The following IL23R variants were observed in gnomAD, a reference collection of about 807,000 sequenced individuals.
The protein encoded by IL23R is interleukin-23 receptor.
In IL23R, 34 loss-of-function variants were observed where a neutral mutation model predicts 56.9. That is an observed-to-expected ratio of 0.60 (90% CI 0.45 to 0.80). The LOEUF is 0.80. Among genes scored for constraint, IL23R ranks in the 30% least tolerant of loss-of-function variants. IL23R has a pLI of 0.00. For synonymous variants in IL23R, 230 were observed against 249.2 expected (o/e 0.92, Z 0.73); for missense variants, 635 against 730.0 (o/e 0.87, Z 1.50).
At chr1:67,162,269 T>A (rs542428218), upstream of IL23R, among the ~76,000 whole-genome samples, 1 of 151,858 alleles carries the variant, frequency 6.6e-6, no homozygotes, top group South Asian at 2.1e-4. Flanking sequence ...ATTGAGACCA[T>A]CCTGGCTAAC....
chr1:67,228,712 T>C (rs1228869098), intron 7 of IL23R, among the ~76,000 whole-genome samples: 2 of 152,160 alleles, frequency 1.3e-5, no homozygotes, highest in Non-Finnish European at 2.9e-5. Context: ...ATCAGTTTCA[T>C]TGCTTTTTCT....
chr1:67,237,326 C>G (rs1370008023), intron 8 of IL23R, among the ~76,000 whole-genome samples: 1 of 152,190 alleles, frequency 6.6e-6, no homozygotes, highest in Admixed American at 6.5e-5. Context: ...CAGGTGTGAG[C>G]CACCGCACCT....
At chr1:67,195,743 T>G (rs1648097679) in intron 4 of IL23R, among the ~76,000 whole-genome samples, 1 of 152,154 alleles carries the variant, frequency 6.6e-6, no homozygotes, top group Non-Finnish European at 1.5e-5. Flanking sequence ...CTTAGAGAGA[T>G]TCCTTGACCA....
chr1:67,139,764 A>G (rs951097846), intron 1 of IL23R, among the ~76,000 whole-genome samples: 5 of 152,120 alleles, frequency 3.3e-5, no homozygotes, highest in African/African-American at 1.2e-4. Flanking sequence ...GCTAGTTTCA[A>G]ACTCCTGGAC....
chr1:67,227,952 TTC>T (rs761236603), intron 7 of IL23R, among the ~76,000 whole-genome samples: 4 of 11,008 alleles, frequency 3.6e-4, no homozygotes, highest in South Asian at 0.011. Context: ...CTTTCTTTCT[TTC>T]TTTCTTTCTT....
At chr1:67,181,697 A>G (rs528615295) in intron 3 of IL23R, among the ~76,000 whole-genome samples, 72 of 152,268 alleles carry the variant, frequency 4.7e-4, no homozygotes, top group African/African-American at 1.7e-3. Context: ...CCTTTGGAGG[A>G]GGAGAGGCGC....
chr1:67,232,271 G>A (rs1432635266), intron 7 of IL23R, among the ~76,000 whole-genome samples: 1 of 152,166 alleles, frequency 6.6e-6, no homozygotes, highest in Non-Finnish European at 1.5e-5. Flanking sequence ...CTCTACGCTA[G>A]AAGATTTAAA....
At chr1:67,149,945 A>G (rs1236146081) in intron 1 of IL23R, among the ~76,000 whole-genome samples, 2 of 152,138 alleles carry the variant, frequency 1.3e-5, no homozygotes, top group Non-Finnish European at 2.9e-5. Flanking sequence ...TCTTAAGGAG[A>G]GTTAGTCGAA....
At chr1:67,161,623 A>T (rs865946662), upstream of IL23R, among the ~76,000 whole-genome samples, 10 of 150,738 alleles carry the variant, frequency 6.6e-5, no homozygotes, top group African/African-American at 2.2e-4. Context: ...ATATATATAT[A>T]TTTGTTTTTG....
At chr1:67,173,744 A>C (rs1646974352) in intron 3 of IL23R, among the ~76,000 whole-genome samples, 1 of 152,130 alleles carries the variant, frequency 6.6e-6, no homozygotes, top group African/African-American at 2.4e-5. Context: ...GAATATAGAG[A>C]GTTTTTAAAA....
intron 7 of IL23R, 152 bp from the exon 8 acceptor site, chr1:67,236,561 T>C: frequency 1.5e-6 from 1 of 653,954 alleles, no homozygotes; most frequent in South Asian, 1.7e-5. Flanking sequence ...AGACACATAC[T>C]CGAAGACTAT....
chr1:67,263,848 A>G (rs1270906884), downstream of IL23R, among the ~76,000 whole-genome samples: 2 of 145,436 alleles, frequency 1.4e-5, no homozygotes, highest in Admixed American at 7.0e-5. Flanking sequence ...TAGGCAACAG[A>G]GCGAGACTCC....
intron 4 of IL23R, among the ~76,000 whole-genome samples, chr1:67,192,073 C>T (rs766228880): frequency 6.6e-5 from 10 of 152,082 alleles, no homozygotes; most frequent in Middle Eastern, 3.2e-3. Flanking sequence ...GCCAGCAGTG[C>T]ATTTGGTGAG....
At chr1:67,175,981 A>G (rs779910243) in intron 3 of IL23R, among the ~76,000 whole-genome samples, 3 of 152,154 alleles carry the variant, frequency 2.0e-5, no homozygotes, top group Non-Finnish European at 4.4e-5. Flanking sequence ...ATGAGCCACC[A>G]CACCCAGCTT....
chr1:67,233,646 T>C (rs1364419351), intron 7 of IL23R, among the ~76,000 whole-genome samples: 1 of 152,210 alleles, frequency 6.6e-6, no homozygotes, highest in Non-Finnish European at 1.5e-5. Context: ...AGGCACATTG[T>C]CTTCTTGTAA....
chr1:67,219,067 C>G (rs1409921683), intron 6 of IL23R, among the ~76,000 whole-genome samples: 1 of 151,348 alleles, frequency 6.6e-6, no homozygotes, highest in Admixed American at 6.6e-5. Context: ...AGACAGTTGT[C>G]AAACATAAAG....
At chr1:67,152,479 T>C (rs1646737160) in intron 1 of IL23R, among the ~76,000 whole-genome samples, 3 of 152,218 alleles carry the variant, frequency 2.0e-5, no homozygotes, top group Non-Finnish European at 2.9e-5. Context: ...GGCCAGAACT[T>C]CCAATACTAT....
chr1:67,169,243 T>C (rs973471858), intron 2 of IL23R, 99 bp from the exon 3 acceptor site: 5 of 910,978 alleles, frequency 5.5e-6, no homozygotes, highest in Non-Finnish European at 8.5e-6. Flanking sequence ...AATCATTTAG[T>C]TAATAGAAAT....
intron 4 of IL23R, among the ~76,000 whole-genome samples, chr1:67,192,786 A>G (rs1317661869): frequency 3.3e-5 from 5 of 151,968 alleles, no homozygotes; most frequent in Non-Finnish European, 5.9e-5. Flanking sequence ...TGACCTCACC[A>G]CCTACACTGC....
Sources: gnomAD v4.1 joint callset for allele counts (sites outside exome capture counted in the v4.1 genomes callset) on GRCh38, gnomAD v4.1.1 for gene constraint, MANE v1.5 for transcripts, NCBI Gene and HGNC (gene_info 2026-07-23, HGNC 2026-07-21) for gene names.